Variants in CAPN5 observed in about 807,000 individuals in gnomAD.
The protein encoded by CAPN5 is calpain 5, also known as calpain-5.
CAPN5 carries 54 observed loss-of-function variants against 73.0 expected under a neutral mutation model. That is an observed-to-expected ratio of 0.74 (90% CI 0.59 to 0.93). The LOEUF (loss-of-function observed/expected upper bound fraction) is 0.93, where lower values mean the gene tolerates loss of function less well. CAPN5 is among the 40% of genes least tolerant of loss of function. CAPN5 has a pLI of 0.00. For synonymous variants in CAPN5, 335 were observed against 356.9 expected, an observed-to-expected ratio of 0.94 and a Z score of 0.69; for missense variants, 785 against 882.9, an observed-to-expected ratio of 0.89 and a Z score of 1.41.
intron 3 of CAPN5, among the ~76,000 whole-genome samples, chr11:77,105,578 T>G (rs1271516154): frequency 6.6e-6 from 1 of 151,724 alleles, no homozygotes; most frequent in African/African-American, 2.4e-5. Flanking sequence ...GTTTGAGAGG[T>G]GGGGTGAGGT....
chr11:77,085,148 C>G, intron 2 of CAPN5, 97 bp downstream of exon 2: 2 of 1,066,506 alleles, frequency 1.9e-6, no homozygotes, highest in Non-Finnish European at 2.8e-6. Flanking sequence ...AGGAGGCATC[C>G]CTGGCCCCAG....
At chr11:77,068,083 G>T (rs56839740) in intron 1 of CAPN5, among the ~76,000 whole-genome samples, 18,340 of 152,170 alleles carry the variant, frequency 0.12, 1,905 homozygotes, top group African/African-American at 0.28. Flanking sequence ...GGGGCTTACG[G>T]GTGAGGCTCA....
At chr11:77,121,638 T>A (rs1555042804) in intron 10 of CAPN5, among the ~76,000 whole-genome samples, 1 of 152,200 alleles carries the variant, frequency 6.6e-6, no homozygotes, top group African/African-American at 2.4e-5. Context: ...TTGCGGGGCT[T>A]TGCAGGGATT....
chr11:77,116,271 G>A lies in CAPN5; in HGVS notation c.939G>A (p.Met313Ile), dbSNP rs1950467420. Residue 313 changes from methionine to isoleucine, a missense_variant, in exon 7 of 13, where the codon ATG becomes ATA. Coordinates refer to ENST00000648180, the MANE Select transcript of CAPN5 (RefSeq NM_004055.5). ...TGAGCAAGAGTGAGCGGGAGAAGAT[G>A]GGTGTGACCGTGCAGGACGACGGTG... is the stretch of plus-strand genomic sequence containing the variant. ...QKVSKSEREKMGVTVQDDGEF... is the reference protein window; with the variant it reads ...QKVSKSEREKIGVTVQDDGEF... 5 of 1,613,756 alleles carry A rather than the reference G, an allele frequency of 3.1e-6. No individual in the cohort carries two copies. Among genetic ancestry groups the A allele is most frequent in the Non-Finnish European group, 3.4e-6 (4 of 1,179,866 alleles).
Position 77,124,091 on chromosome 11 carries a change from A to G in CAPN5, c.*221A>G. 1.7e-6 allele frequency: 1 copy of G among 574,888 alleles called. No individual in the cohort carries two copies. Among genetic ancestry groups the G allele is most frequent in the Non-Finnish European group, 3.1e-6 (1 of 323,846 alleles). The allele number at this position is 574,888 out of a possible 1,614,324, so 35.6% of individuals were successfully genotyped here. On this transcript the variant is annotated 3_prime_UTR_variant, in exon 13 of 13. Coordinates refer to ENST00000648180, the MANE Select transcript of CAPN5 (RefSeq NM_004055.5). The stretch of plus-strand genomic sequence containing the variant: ...GAGGAGTTTCCTTGCTGAGATTTCA[A>G]ATAGTCCTCCCCACCTCAACTGTCA...
intron 3 of CAPN5, among the ~76,000 whole-genome samples, chr11:77,111,915 G>A (rs185974235): frequency 1.3e-3 from 195 of 152,124 alleles, no homozygotes; most frequent in African/African-American, 4.5e-3. Context: ...TGAGGAGAAG[G>A]AAGAACCTGG....
At position 77,123,770 on chromosome 11, in the gene CAPN5, A is replaced by C. The variant is rs1555043349; in HGVS notation, c.1823A>C (p.His608Pro). The C allele has an allele frequency of 6.2e-7, 1 of 1,613,696 alleles. No individual in the cohort carries two copies. The highest frequency in any genetic ancestry group is 2.2e-5 in the East Asian group (1 of 44,892). Reference sequence around the variant, plus strand: ...GACCCGGACAACCTCCAGGCCCTGCATACCCTCCACCTCCGGGACCGAAAT... The same window carrying C: ...GACCCGGACAACCTCCAGGCCCTGCCTACCCTCCACCTCCGGGACCGAAAT... ...KADPDNLQALHTLHLRDRNSR... is the reference protein window; with the variant it reads ...KADPDNLQALPTLHLRDRNSR... The change falls in exon 13 of 13, where the codon CAT becomes CCT. Residue 608 changes from histidine to proline, a missense_variant. Physicochemically the swap from His to Pro is moderately conservative, Grantham distance 77 (BLOSUM62 -2). Coordinates refer to ENST00000648180, the MANE Select transcript of CAPN5 (RefSeq NM_004055.5).
At chr11:77,114,205 A>G in intron 4 of CAPN5, 37 bp from the exon 5 acceptor site, 1 of 1,595,048 alleles carries the variant, frequency 6.3e-7, no homozygotes, top group East Asian at 2.2e-5. Context: ...CTGGCTGGGG[A>G]GCATGAGCTG....
chr11:77,099,601 C>T lies in CAPN5; in HGVS notation c.297+5788C>T, dbSNP rs1402417519. Among the ~76,000 whole-genome samples, 8 of 150,174 alleles carry T rather than the reference C, an allele frequency of 5.3e-5. No homozygotes were observed. In the South Asian group the frequency reaches 1.6e-3, roughly 29 times the overall value. ...AGGCGTGGTGGCGCGTGCCTGCAAT[C>T]GCAGGCACTTGGCAGGCTGAGGCAG... On this transcript the variant is annotated intron_variant, in intron 3 of 12. Transcript: ENST00000648180.
At chr11:77,069,059 G>T (rs376725747) in intron 1 of CAPN5, among the ~76,000 whole-genome samples, 19 of 152,114 alleles carry the variant, frequency 1.2e-4, no homozygotes, top group African/African-American at 4.6e-4. Context: ...GGCCTCCTGC[G>T]CCCTCAGTGG....
Position 77,113,723 on chromosome 11 carries a change from C to T in CAPN5, c.507-519C>T, listed in dbSNP as rs192065186. Among the ~76,000 whole-genome samples the T allele has an allele frequency of 9.9e-5, 15 of 152,266 alleles. No homozygotes were observed. In the East Asian group the frequency reaches 2.9e-3, roughly 29 times the overall value. ...CCCCCTGGTGGCCACTGAGTCTCCA[C>T]CACCTGGATGCAGGTCGACCCAGTG... On this transcript the variant is annotated intron_variant, in intron 4 of 12. Coordinates refer to ENST00000648180, the MANE Select transcript of CAPN5 (RefSeq NM_004055.5).
chr11:77,104,091 T>G (rs1555039474), intron 3 of CAPN5, among the ~76,000 whole-genome samples: 1 of 152,238 alleles, frequency 6.6e-6, no homozygotes, highest in Non-Finnish European at 1.5e-5. Flanking sequence ...TAGGAACAAG[T>G]GCAGTTTTAG....
chr11:77,083,110 G>A (rs1391901525), intron 1 of CAPN5, among the ~76,000 whole-genome samples: 1 of 152,212 alleles, frequency 6.6e-6, no homozygotes, highest in African/African-American at 2.4e-5. Context: ...GCCTCCGTGG[G>A]CAGAGGGGCA....
intron 2 of CAPN5, among the ~76,000 whole-genome samples, chr11:77,085,842 T>G (rs989650613): frequency 2.6e-5 from 4 of 151,942 alleles, no homozygotes; most frequent in Non-Finnish European, 5.9e-5. Flanking sequence ...CTGCAGGAGG[T>G]TACTCTCCCT....
intron 2 of CAPN5, among the ~76,000 whole-genome samples, chr11:77,089,584 G>C (rs1459908537): frequency 6.6e-6 from 1 of 152,208 alleles, no homozygotes; most frequent in East Asian, 1.9e-4. Flanking sequence ...GCTATCTAGT[G>C]AGACACCCCC....
At chr11:77,091,020 G>A (rs1470643934) in intron 2 of CAPN5, among the ~76,000 whole-genome samples, 5 of 152,226 alleles carry the variant, frequency 3.3e-5, no homozygotes, top group Admixed American at 2.6e-4. Flanking sequence ...TGGCCGTGGT[G>A]CACCCTGTAG....
rs782142591 is a variant in CAPN5, at chr11:77,116,231, A to G, written c.899A>G (p.Glu300Gly). ...CCCCGGCCCTGACACCCCAGCTCGG[A>G]GGAGTGGCAGAAAGTGAGCAAGAGT... The part of the protein sequence containing the change: ...EWNGPWSDTS[E>G]EWQKVSKSER... The change falls in exon 7 of 13, where the codon GAG becomes GGG. Residue 300 changes from glutamate (E) to glycine (G), a missense_variant. Glu to Gly is a moderately conservative substitution (Grantham distance 98). Transcript: ENST00000648180. The G allele has an allele frequency of 1.9e-6, 3 of 1,612,050 alleles. No homozygotes were observed. Among genetic ancestry groups the G allele is most frequent in the Non-Finnish European group, 2.5e-6 (3 of 1,179,256 alleles).
intron 3 of CAPN5, among the ~76,000 whole-genome samples, chr11:77,098,497 G>A (rs1251121039): frequency 9.8e-6 from 1 of 102,152 alleles, no homozygotes; most frequent in Non-Finnish European, 2.0e-5. Context: ...CTGGCCAGGC[G>A]GAGGGCTGAC....
At chr11:77,111,485 G>T (rs1950409903) in intron 3 of CAPN5, among the ~76,000 whole-genome samples, 1 of 152,180 alleles carries the variant, frequency 6.6e-6, no homozygotes, top group Admixed American at 6.5e-5. Context: ...CTACTCAGAG[G>T]TTATTGTGAT....
Sources: gnomAD v4.1 joint callset for allele counts (sites outside exome capture counted in the v4.1 genomes callset) on GRCh38, gnomAD v4.1.1 for gene constraint, MANE v1.5 for transcripts, NCBI Gene and HGNC (gene_info 2026-07-23, HGNC 2026-07-21) for gene names.